ZFPM2: variants seen among roughly 807,000 people sequenced by gnomAD.
ZFPM2 encodes zinc finger protein ZFPM2.
ZFPM2 carries 20 observed loss-of-function variants against 98.6 expected under a neutral mutation model. The ratio of observed to expected loss-of-function variants is 0.20; its 90% CI spans 0.14 to 0.29. The LOEUF (loss-of-function observed/expected upper bound fraction) is 0.29. Among genes scored for constraint, ZFPM2 ranks in the 10% least tolerant of loss-of-function variants. The pLI, the probability that ZFPM2 is intolerant of heterozygous loss-of-function variation, is 1.00. For synonymous variants in ZFPM2, 518 were observed against 502.7 expected (o/e 1.03, Z -0.41); for missense variants, 1,310 against 1,388.6 (o/e 0.94, Z 0.90).
At chr8:105,356,225 T>C (rs894728520) in intron 1 of ZFPM2, among the ~76,000 whole-genome samples, 5 of 152,180 alleles carry the variant, frequency 3.3e-5, no homozygotes, top group African/African-American at 1.2e-4. Context: ...GTGATTTCCC[T>C]TTGGCACTTG....
intron 3 of ZFPM2, among the ~76,000 whole-genome samples, chr8:105,537,015 G>C (rs1420997954): frequency 6.6e-6 from 1 of 152,134 alleles, no homozygotes; most frequent in Non-Finnish European, 1.5e-5. Flanking sequence ...GATCTTCAAA[G>C]TTCTTTTAGT....
At chr8:105,674,932 G>A (rs762511872) in intron 5 of ZFPM2, among the ~76,000 whole-genome samples, 2 of 152,014 alleles carry the variant, frequency 1.3e-5, no homozygotes, top group Non-Finnish European at 2.9e-5. Context: ...GCTAATTCTG[G>A]AACCTGTGGT....
intron 5 of ZFPM2, among the ~76,000 whole-genome samples, chr8:105,706,314 CA>C (rs922215468): frequency 1.1e-4 from 17 of 152,096 alleles, no homozygotes; most frequent in African/African-American, 3.9e-4. Context: ...GCCTAAAATA[CA>C]AAAATCAGAA....
chr8:105,510,309 A>G (rs1217767339), intron 3 of ZFPM2, among the ~76,000 whole-genome samples: 1 of 152,180 alleles, frequency 6.6e-6, no homozygotes, highest in African/African-American at 2.4e-5. Flanking sequence ...AAATCCAAGA[A>G]AAGCAAGAAC....
chr8:105,608,749 A>T (rs1816247504), intron 4 of ZFPM2, among the ~76,000 whole-genome samples: 1 of 152,098 alleles, frequency 6.6e-6, no homozygotes, highest in South Asian at 2.1e-4. Context: ...TCCTTAAAGG[A>T]ACGCAAGGAT....
At chr8:105,617,306 C>T (rs762864367) in intron 4 of ZFPM2, among the ~76,000 whole-genome samples, 3 of 152,104 alleles carry the variant, frequency 2.0e-5, no homozygotes, top group Admixed American at 2.0e-4. Flanking sequence ...TTTACTGAGG[C>T]TTCTTTTTGT....
chr8:105,697,499 C>A (rs1391512925), intron 5 of ZFPM2, among the ~76,000 whole-genome samples: 1 of 152,096 alleles, frequency 6.6e-6, no homozygotes, highest in African/African-American at 2.4e-5. Flanking sequence ...CTATGAGGAG[C>A]AAACAGCATC....
chr8:105,790,099 A>G (rs1813555678), intron 6 of ZFPM2, among the ~76,000 whole-genome samples: 2 of 151,218 alleles, frequency 1.3e-5, no homozygotes, highest in Non-Finnish European at 3.0e-5. Flanking sequence ...ATTAGATCCC[A>G]TTTGTCAATT....
rs759870308 is a variant in ZFPM2 at position 105,801,193 on chromosome 8, G to A, written c.1111G>A (p.Gly371Ser). Residue 371 changes from glycine (G) to serine (S), a missense_variant, in exon 8 of 8, where the codon GGC (glycine) becomes AGC (serine). Physicochemically the swap from Gly to Ser is moderately conservative, Grantham distance 56. Coordinates refer to ENST00000407775, the MANE Select transcript of ZFPM2 (RefSeq NM_012082.4). ...CTTCCGATGTAATCACTGCCATTTCGGCTTCCAGACTCAGAGGGAGTTATT... is the reference window on the plus strand; with the variant it reads ...CTTCCGATGTAATCACTGCCATTTCAGCTTCCAGACTCAGAGGGAGTTATT... ...AAFRCNHCHF[G>S]FQTQRELLQH... The A allele has an allele frequency of 1.1e-5, 17 of 1,613,794 alleles. No individual in the cohort carries two copies. The highest frequency in any genetic ancestry group is 2.2e-5 in the South Asian group (2 of 91,068).
chr8:105,585,888 A>T (rs1383632774), intron 4 of ZFPM2, among the ~76,000 whole-genome samples: 1 of 152,062 alleles, frequency 6.6e-6, no homozygotes, highest in Non-Finnish European at 1.5e-5. Flanking sequence ...ATATTTTAGG[A>T]TGAAAAAATA....
At chr8:105,478,824 C>G (rs915262999) in intron 3 of ZFPM2, among the ~76,000 whole-genome samples, 5 of 152,206 alleles carry the variant, frequency 3.3e-5, no homozygotes, top group African/African-American at 1.2e-4. Context: ...CTTCAAACTC[C>G]TAATCAGTAT....
intron 3 of ZFPM2, among the ~76,000 whole-genome samples, chr8:105,462,820 G>C (rs1812727187): frequency 6.6e-6 from 1 of 151,934 alleles, no homozygotes; most frequent in South Asian, 2.1e-4. Flanking sequence ...AATGGCCAAA[G>C]AAATAGCGAA....
intron 5 of ZFPM2, among the ~76,000 whole-genome samples, chr8:105,637,114 T>C (rs144342524): frequency 5.7e-4 from 87 of 152,290 alleles, no homozygotes; most frequent in African/African-American, 2.1e-3. Flanking sequence ...AAATAGATAG[T>C]ATTTTCTCAT....
Position 105,358,060 on chromosome 8 carries a change from A to G in ZFPM2, c.40+39079A>G, listed in dbSNP as rs539566354. 6.2e-4 allele frequency among the ~76,000 whole-genome samples: 94 copies of G among 152,298 alleles called. 1 individual carries two copies. Among genetic ancestry groups the G allele is most frequent in the African/African-American group, 2.1e-3 (88 of 41,560 alleles). On this transcript the variant is annotated intron_variant, in intron 1 of 7. Coordinates refer to ENST00000407775, the MANE Select transcript of ZFPM2 (RefSeq NM_012082.4). The stretch of plus-strand genomic sequence containing the variant: ...TCAGCTGTTCTTTACTTTCACTTCA[A>G]CCAACAAATTCTGCATTCATTTTCC...
intron 3 of ZFPM2, among the ~76,000 whole-genome samples, chr8:105,536,544 C>A (rs531906091): frequency 2.6e-5 from 4 of 151,620 alleles, no homozygotes; most frequent in Admixed American, 6.6e-5. Flanking sequence ...TTATTTGCAC[C>A]GAGATAATGG....
intron 4 of ZFPM2, among the ~76,000 whole-genome samples, chr8:105,567,281 C>CT (rs2130712272): frequency 6.6e-6 from 1 of 152,218 alleles, no homozygotes; most frequent in African/African-American, 2.4e-5. Flanking sequence ...TACCTGAGCA[C>CT]TTTTTTCCAG....
chr8:105,448,988 G>A (rs998544184), intron 3 of ZFPM2, among the ~76,000 whole-genome samples: 2 of 151,958 alleles, frequency 1.3e-5, no homozygotes, highest in African/African-American at 4.8e-5. Context: ...TCTGTTTTAT[G>A]TACTCGTATT....
chr8:105,632,965 G>A (rs1317542606), intron 4 of ZFPM2, among the ~76,000 whole-genome samples: 1 of 151,910 alleles, frequency 6.6e-6, no homozygotes, highest in African/African-American at 2.4e-5. Context: ...ATATTTTATA[G>A]TAGTTTTAAC....
intron 4 of ZFPM2, among the ~76,000 whole-genome samples, chr8:105,613,169 T>C (rs1209986687): frequency 6.6e-6 from 1 of 152,146 alleles, no homozygotes; most frequent in Non-Finnish European, 1.5e-5. Context: ...ATTGGAGATT[T>C]TAAGCCAGTT....
Sources: gnomAD v4.1 joint callset for allele counts (sites outside exome capture counted in the v4.1 genomes callset) on GRCh38, gnomAD v4.1.1 for gene constraint, MANE v1.5 for transcripts, NCBI Gene and HGNC (gene_info 2026-07-23, HGNC 2026-07-21) for gene names.